The following NAPSA variants were observed in gnomAD, a reference collection of about 807,000 sequenced individuals.
The protein encoded by NAPSA is napsin A aspartic peptidase.
NAPSA carries 37 observed loss-of-function variants against 36.7 expected under a neutral mutation model. The observed-to-expected ratio is 1.01, with a 90% CI of 0.78 to 1.33. NAPSA has a LOEUF of 1.33. Among genes scored for constraint, NAPSA ranks in the 40% most tolerant of loss-of-function variants. NAPSA has a pLI of 0.00. For synonymous variants in NAPSA, 222 were observed against 234.5 expected, an observed-to-expected ratio of 0.95 and a Z score of 0.49; for missense variants, 532 against 543.8, an observed-to-expected ratio of 0.98 and a Z score of 0.21.
intron 1 of NAPSA, among the ~76,000 whole-genome samples, chr19:50,363,872 A>C (rs1014514216): frequency 1.3e-5 from 2 of 152,052 alleles, no homozygotes; most frequent in South Asian, 4.1e-4. Context: ...CAAAAACATG[A>C]CTTCTTCAGG....
chr19:50,359,732 T>G lies in NAPSA; in HGVS notation c.791+8A>C, dbSNP rs769953944. 25 of 1,613,824 alleles carry G rather than the reference T, an allele frequency of 1.5e-5. No homozygotes were observed. The highest frequency in any genetic ancestry group is 1.0e-4 in the Admixed American group (6 of 59,944). On this transcript the variant is annotated splice_region_variant and intron_variant, in intron 6 of 8. Coordinates refer to ENST00000253719, the MANE Select transcript of NAPSA (RefSeq NM_004851.3). ...CCAGCTCCAGAGCCAGGAGACCAAGTCCCTCACCGCTCCATGTGGATCTGC... is the reference window on the plus strand; with the variant it reads ...CCAGCTCCAGAGCCAGGAGACCAAGGCCCTCACCGCTCCATGTGGATCTGC...
chr19:50,364,189 C>CGGG, intron 1 of NAPSA, among the ~76,000 whole-genome samples: 7 of 151,990 alleles, frequency 4.6e-5, no homozygotes, highest in Admixed American at 3.9e-4. Flanking sequence ...GGCATGGTGA[C>CGGG]TCACGCCTGT....
chr19:50,361,983 A>C lies in NAPSA; in HGVS notation c.335T>G (p.Phe112Cys). 6.3e-7 allele frequency: 1 copy of C among 1,598,266 alleles called. No individual in the cohort carries two copies. The highest frequency in any genetic ancestry group is 8.5e-7 in the Non-Finnish European group (1 of 1,172,300). ...TAGAAGCTCACAGCAGGGCACACTG[A>C]AGAAGTGGCATCTCCTGGACGGGAC... ...LWVPSRRCHF[F>C]SVPCWLHHRF... The change falls in exon 3 of 9, where the codon TTC becomes TGC. Residue 112 changes from phenylalanine to cysteine, a missense_variant. By Grantham distance (205) the Phe-to-Cys change is radical (BLOSUM62 -2). Coordinates refer to ENST00000253719, the MANE Select transcript of NAPSA (RefSeq NM_004851.3).
chr19:50,366,346 C>T (rs147059642), upstream of NAPSA, among the ~76,000 whole-genome samples: 1,022 of 152,072 alleles, frequency 6.7e-3, 16 homozygotes, highest in African/African-American at 0.024. Flanking sequence ...GTGATCCGCC[C>T]GCCTCAGCCT....
intron 8 of NAPSA, 39 bp from the exon 9 acceptor site, chr19:50,358,819 C>T (rs1344921616): frequency 3.9e-6 from 6 of 1,548,610 alleles, no homozygotes; most frequent in Non-Finnish European, 5.3e-6. Context: ...GTCGCGGCCA[C>T]AAGGACGGCC....
At chr19:50,361,356 C>T (rs368235426) in intron 4 of NAPSA, 7 of 594,466 alleles carry the variant, frequency 1.2e-5, no homozygotes, top group Admixed American at 6.1e-5. Context: ...CAGGAAGCTC[C>T]TCCCCTGCTT....
rs202109780 is a variant in NAPSA at position 50,358,627 on chromosome 19, C to T, written c.1189G>A (p.Gly397Ser). 32 of 1,612,718 alleles carry T rather than the reference C, an allele frequency of 2.0e-5. No individual in the cohort carries two copies. The African/African-American group carries it at 3.2e-4, about 16-fold the overall frequency. Residue 397 changes from glycine to serine, a missense_variant, in exon 9 of 9, where the codon GGC (glycine) becomes AGC (serine). Coordinates refer to ENST00000253719, the MANE Select transcript of NAPSA (RefSeq NM_004851.3). ...RGDMKSSARV[G>S]LARARTRGAD... ...CCGCGAGTGCGAGCGCGCGCCAGGC[C>T]CACCCGGGCGCTGCTCTTCATGTCC...
chr19:50,359,105 A>T lies in NAPSA; in HGVS notation c.941T>A (p.Ile314Asn), dbSNP rs370402092. 9 of 1,612,374 alleles carry T rather than the reference A, an allele frequency of 5.6e-6. No individual in the cohort carries two copies. In the African/African-American group the frequency reaches 1.2e-4, roughly 22 times the overall value. Residue 314 changes from isoleucine to asparagine, a missense_variant, in exon 8 of 9, where the codon ATC (isoleucine) becomes AAC (asparagine). Transcript: ENST00000253719. ...CTTTGGGATTTCCGAGCACAGGATG[A>T]TGTACTGGGGGAGAAGAGGAACTAG... ...GGIPLLAGEY[I>N]ILCSEIPKLP... is the part of the protein sequence containing the mutation.
Position 50,360,963 on chromosome 19 carries a change from C to T in NAPSA, c.646G>A (p.Val216Ile). The T allele has an allele frequency of 6.2e-7, 1 of 1,614,090 alleles. No homozygotes were observed. The highest frequency in any genetic ancestry group is 8.5e-7 in the Non-Finnish European group (1 of 1,180,002). ...LVEQGLLDKP[V>I]FSFYLNRDPE... ...TACCTGTTGAGGTAAAAGGAGAAGA[C>T]AGGCTTATCCAATAGCCCCTGCTCC... Residue 216 changes from valine to isoleucine, a missense_variant, in exon 5 of 9, where the codon GTC becomes ATC. By Grantham distance (29) the Val-to-Ile change is conservative. This residue lies in a region of NAPSA where 385 missense variants were observed against 371.5 expected (regional missense o/e 1.04). Coordinates refer to ENST00000253719, the MANE Select transcript of NAPSA (RefSeq NM_004851.3).
At chr19:50,368,205 T>TG (rs935000156), upstream of NAPSA, among the ~76,000 whole-genome samples, 5 of 119,274 alleles carry the variant, frequency 4.2e-5, no homozygotes, top group African/African-American at 1.6e-4. Flanking sequence ...CTAGGTGCGG[T>TG]GGGGGTGCGT....
At chr19:50,359,451 G>T in intron 7 of NAPSA, 52 bp downstream of exon 7, 1 of 1,609,888 alleles carries the variant, frequency 6.2e-7, no homozygotes. Context: ...GATGTTCACT[G>T]TCAAACTGCC....
Position 50,359,549 on chromosome 19 carries a change from C to T in NAPSA, c.890G>A (p.Arg297Gln), listed in dbSNP as rs143284959. 69 of 1,614,214 alleles carry T rather than the reference C, an allele frequency of 4.3e-5. No homozygotes were observed. In the African/African-American group the frequency reaches 4.8e-4, roughly 11 times the overall value. Residue 297 changes from arginine to glutamine, a missense_variant, in exon 7 of 9, where the codon CGG becomes CAG. Arg to Gln is a conservative substitution (Grantham distance 43, BLOSUM62 1). Coordinates refer to ENST00000253719, the MANE Select transcript of NAPSA (RefSeq NM_004851.3). The part of the protein sequence containing the change: ...SLITGPTEEI[R>Q]ALHAAIGGIP... The stretch of plus-strand genomic sequence containing the variant: ...TCCCCCAATGGCTGCATGCAGGGCC[C>T]GGATCTCCTCAGTGGGTCCTGTGAT...
At chr19:50,365,879 A>G (rs1358882297), upstream of NAPSA, 1 of 343,592 alleles carries the variant, frequency 2.9e-6, no homozygotes, top group East Asian at 4.8e-5. Flanking sequence ...GGTCTCCTCC[A>G]CCGTCACCAC....
rs2037440449 is a variant in NAPSA at position 50,359,352 on chromosome 19, C to T, written c.936+151G>A. The T allele has an allele frequency of 1.9e-5, 21 of 1,087,772 alleles. No individual in the cohort carries two copies. The South Asian group carries it at 3.2e-4, about 16-fold the overall frequency. The allele number at this position is 1,087,772 out of a possible 1,614,324, so 67.4% of individuals were successfully genotyped here. On this transcript the variant is annotated intron_variant, in intron 7 of 8. Transcript: ENST00000253719. ...ACGTGGAAAGTGTCCTCAATTCCTC[C>T]ACCACCCTCCAGACTATCTGTCACG...
In NAPSA at chr19:50,362,215, G is replaced by A; in HGVS notation, c.182C>T (p.Pro61Leu). 1 of 1,614,034 alleles carries A rather than the reference G, an allele frequency of 6.2e-7. No homozygotes were observed. Among genetic ancestry groups the A allele is most frequent in the Non-Finnish European group, 8.5e-7 (1 of 1,179,978 alleles). ...AGGTACGAAGATGGGCTTGTCCCCA[G>A]GGGATGGGGCCCCCAACTTGGGGAG... ...AELPKLGAPS[P>L]GDKPIFVPLS... The change falls in exon 2 of 9, where the codon CCT becomes CTT. Residue 61 changes from proline to leucine, a missense_variant. Pro to Leu is a moderately conservative substitution (Grantham distance 98). This residue lies in a region of NAPSA where 102 missense variants were observed against 93.6 expected (regional missense o/e 1.09). Coordinates refer to ENST00000253719, the MANE Select transcript of NAPSA (RefSeq NM_004851.3).
Position 50,358,482 on chromosome 19 carries a change from G to C in NAPSA, c.*71C>G. 7.6e-7 allele frequency: 1 copy of C among 1,320,036 alleles called. No individual in the cohort carries two copies. Among genetic ancestry groups the C allele is most frequent in the Non-Finnish European group, 1.0e-6 (1 of 981,230 alleles). The allele number at this position is 1,320,036 out of a possible 1,614,324, so 81.8% of individuals were successfully genotyped here. On this transcript the variant is annotated 3_prime_UTR_variant, in exon 9 of 9. Transcript: ENST00000253719. ...AGCAACCCAGGCAGGTTCGCTCAATGGAAATAGTGGATTTTTACTGGGTAG... is the reference window on the plus strand; with the variant it reads ...AGCAACCCAGGCAGGTTCGCTCAATCGAAATAGTGGATTTTTACTGGGTAG...
At chr19:50,360,338 G>T (rs941006492) in intron 5 of NAPSA, among the ~76,000 whole-genome samples, 3 of 152,160 alleles carry the variant, frequency 2.0e-5, no homozygotes, top group African/African-American at 7.2e-5. Context: ...AGGAGAGCAG[G>T]ATCTGCTAGG....
chr19:50,362,901 T>TA (rs2037496906), intron 1 of NAPSA: 1 of 152,212 alleles, frequency 6.6e-6, no homozygotes, highest in African/African-American at 2.4e-5. Flanking sequence ...ACCCTTGACT[T>TA]AGAGGGCCAA....
At position 50,362,053 on chromosome 19, in the gene NAPSA, G is replaced by T. The variant is rs752441058; in HGVS notation, c.265C>A (p.Gln89Lys). ...GTGTCAAAGGCAACAGTGAAGTTTTGTGGAGGCGTTCCCAGCCCAATTTCC... is the reference window on the plus strand; with the variant it reads ...GTGTCAAAGGCAACAGTGAAGTTTTTTGGAGGCGTTCCCAGCCCAATTTCC... ...FGEIGLGTPP[Q>K]NFTVAFDTGS... The change falls in exon 3 of 9, where the codon CAA becomes AAA. Residue 89 changes from glutamine to lysine, a missense_variant. Gln to Lys is a moderately conservative substitution (Grantham distance 53). Coordinates refer to ENST00000253719, the MANE Select transcript of NAPSA (RefSeq NM_004851.3). The T allele has an allele frequency of 6.2e-7, 1 of 1,613,736 alleles. No individual in the cohort carries two copies. Among genetic ancestry groups the T allele is most frequent in the Non-Finnish European group, 8.5e-7 (1 of 1,179,950 alleles).
Sources: gnomAD v4.1 joint callset for allele counts (sites outside exome capture counted in the v4.1 genomes callset) on GRCh38, gnomAD v4.1.1 for gene constraint, gnomAD v4.1.1 regional missense constraint, MANE v1.5 for transcripts, NCBI Gene and HGNC (gene_info 2026-07-23, HGNC 2026-07-21) for gene names.